The following CSMD1 variants were observed in gnomAD, a reference collection of about 807,000 sequenced individuals.
The protein encoded by CSMD1 is CUB and Sushi multiple domains 1.
CSMD1 carries 213 observed loss-of-function variants against 417.5 expected under a neutral mutation model. The ratio of observed to expected loss-of-function variants is 0.51; its 90% CI spans 0.46 to 0.57. The LOEUF is 0.57. CSMD1 is among the 20% of genes least tolerant of loss of function. CSMD1 has a pLI of 0.00. For missense variants in CSMD1, 6,923 were observed against 4,529.7 expected, an observed-to-expected ratio of 1.53 and a Z score of -15.17; for synonymous variants, 2,862 against 1,736.8, an observed-to-expected ratio of 1.65 and a Z score of -16.11.
At chr8:3,879,077 T>A (rs889985011) in intron 5 of CSMD1, among the ~76,000 whole-genome samples, 1 of 152,176 alleles carries the variant, frequency 6.6e-6, no homozygotes, top group African/African-American at 2.4e-5. Context: ...TCTGAGTTAT[T>A]CTGGGGTACC....
At chr8:3,675,100 A>T (rs1799303503) in intron 7 of CSMD1, among the ~76,000 whole-genome samples, 1 of 152,184 alleles carries the variant, frequency 6.6e-6, no homozygotes, top group Non-Finnish European at 1.5e-5. Context: ...GCCATCTTGA[A>T]GAGATGCAGT....
At chr8:4,157,281 T>C (rs146370589) in intron 3 of CSMD1, among the ~76,000 whole-genome samples, 44 of 152,302 alleles carry the variant, frequency 2.9e-4, no homozygotes, top group East Asian at 7.7e-4. Flanking sequence ...ACTAGTTTAG[T>C]GATGCAATTG....
At chr8:3,637,024 G>A (rs541712202) in intron 7 of CSMD1, among the ~76,000 whole-genome samples, 30 of 152,018 alleles carry the variant, frequency 2.0e-4, no homozygotes, top group African/African-American at 5.5e-4. Flanking sequence ...TTCCACCATG[G>A]AATAACGATG....
rs531381480 is a variant in CSMD1, at chr8:4,295,148, G to A, written c.415+124805C>T. ...TAATCTTAAGATTATATAATCTTAA[G>A]ATTACGCACATATAATCTTAAGATT... On this transcript the variant is annotated intron_variant, in intron 3 of 69. Transcript: ENST00000635120. 5.6e-5 allele frequency among the ~76,000 whole-genome samples: 8 copies of A among 142,248 alleles called. No homozygotes were observed. The South Asian group carries it at 8.9e-4, about 16-fold the overall frequency. 93.3% of individuals were successfully genotyped at this position (142,248 alleles called of 152,430 possible).
intron 5 of CSMD1, among the ~76,000 whole-genome samples, chr8:3,853,720 G>A (rs140528165): frequency 0.035 from 5,320 of 151,884 alleles, 101 homozygotes; most frequent in Middle Eastern, 0.068. Flanking sequence ...AAACCACCTC[G>A]GGGTGGGGGG....
intron 1 of CSMD1, among the ~76,000 whole-genome samples, chr8:4,714,713 C>A (rs1220754982): frequency 6.6e-6 from 1 of 152,052 alleles, no homozygotes. Context: ...CTCGAGAATA[C>A]AAATTTCCAC....
chr8:3,593,351 G>C (rs955202028), intron 8 of CSMD1, among the ~76,000 whole-genome samples: 1 of 152,216 alleles, frequency 6.6e-6, no homozygotes, highest in Non-Finnish European at 1.5e-5. Flanking sequence ...ATAGAGTCTG[G>C]AGAAGGTGGG....
chr8:3,500,308 G>A (rs555901850), intron 10 of CSMD1, among the ~76,000 whole-genome samples: 7 of 152,106 alleles, frequency 4.6e-5, no homozygotes, highest in South Asian at 4.2e-4. Flanking sequence ...TAGACATCTC[G>A]ATGTCTGCTA....
intron 3 of CSMD1, among the ~76,000 whole-genome samples, chr8:4,103,924 C>G (rs1367300251): frequency 2.0e-5 from 3 of 152,186 alleles, no homozygotes; most frequent in African/African-American, 4.8e-5. Flanking sequence ...CAGCTTTGTG[C>G]CTGTGTTGCA....
intron 10 of CSMD1, among the ~76,000 whole-genome samples, chr8:3,525,983 C>T (rs1041479854): frequency 3.9e-5 from 6 of 152,098 alleles, no homozygotes; most frequent in Non-Finnish European, 5.9e-5. Flanking sequence ...AAAATCAGCA[C>T]CTCTCTAGGA....
intron 3 of CSMD1, among the ~76,000 whole-genome samples, chr8:4,375,432 C>G (rs1007880883): frequency 6.6e-6 from 1 of 152,244 alleles, no homozygotes; most frequent in South Asian, 2.1e-4. Context: ...TTGTACTACC[C>G]CAGGAAACCA....
rs899167538 is a variant in CSMD1, at chr8:3,142,454, T to C, written c.6241+11A>G. On this transcript the variant is annotated intron_variant, in intron 41 of 69. Transcript: ENST00000635120. The stretch of plus-strand genomic sequence containing the variant: ...TAGATTTGGGTTTCGGTTCTCGTTG[T>C]TGTTCCATACCTTGGTAAGCAAGTT... The C allele has an allele frequency of 1.2e-6, 2 of 1,608,746 alleles. No individual in the cohort carries two copies. Among genetic ancestry groups the C allele is most frequent in the African/African-American group, 1.3e-5 (1 of 74,894 alleles).
At chr8:4,232,034 T>C (rs1286117719) in intron 3 of CSMD1, among the ~76,000 whole-genome samples, 1 of 152,210 alleles carries the variant, frequency 6.6e-6, no homozygotes, top group Non-Finnish European at 1.5e-5. Flanking sequence ...AAACAATATG[T>C]TGGCCTGATA....
At chr8:2,958,975 T>C (rs748605466) in intron 62 of CSMD1, among the ~76,000 whole-genome samples, 1 of 152,244 alleles carries the variant, frequency 6.6e-6, no homozygotes, top group Non-Finnish European at 1.5e-5. Flanking sequence ...TTCTAGCACT[T>C]GATAAAGTGG....
At chr8:4,936,474 C>T (rs181375248) in intron 1 of CSMD1, among the ~76,000 whole-genome samples, 1 of 152,148 alleles carries the variant, frequency 6.6e-6, no homozygotes, top group Non-Finnish European at 1.5e-5. Context: ...TATTTCAAGG[C>T]TTTAAAACTT....
intron 6 of CSMD1, among the ~76,000 whole-genome samples, chr8:3,712,392 GAGAGAGAGACAGACAGACAGAC>G (rs1563299878): frequency 2.1e-5 from 1 of 47,490 alleles, no homozygotes; most frequent in Non-Finnish European, 4.6e-5. Flanking sequence ...GAGAGAGAGA[GAGAGAGAGACAGACAGACAGAC>G]AGACAGACAG....
chr8:4,385,450 T>C (rs1342534443), intron 3 of CSMD1, among the ~76,000 whole-genome samples: 1 of 152,208 alleles, frequency 6.6e-6, no homozygotes, highest in Non-Finnish European at 1.5e-5. Flanking sequence ...GTTTCTTTTC[T>C]TAGTTTTATT....
chr8:4,210,779 G>C (rs1304064091), intron 3 of CSMD1, among the ~76,000 whole-genome samples: 1 of 152,104 alleles, frequency 6.6e-6, no homozygotes, highest in South Asian at 2.1e-4. Context: ...AATTCAATGA[G>C]TAAATACGAG....
intron 3 of CSMD1, among the ~76,000 whole-genome samples, chr8:4,364,324 G>A (rs1801945426): frequency 6.6e-6 from 1 of 152,050 alleles, no homozygotes; most frequent in Non-Finnish European, 1.5e-5. Context: ...TAAGACTAGG[G>A]CCCTTAAAAT....
Sources: gnomAD v4.1 joint callset for allele counts (sites outside exome capture counted in the v4.1 genomes callset) on GRCh38, gnomAD v4.1.1 for gene constraint, MANE v1.5 for transcripts, NCBI Gene and HGNC (gene_info 2026-07-23, HGNC 2026-07-21) for gene names.